SEC63: variants seen among roughly 807,000 people sequenced by gnomAD.
The protein encoded by SEC63 is translocation protein SEC63 homolog.
Under a neutral mutation model 116.2 loss-of-function variants are expected in SEC63, and 56 were observed. The ratio of observed to expected loss-of-function variants is 0.48; its 90% CI spans 0.39 to 0.60. The LOEUF (loss-of-function observed/expected upper bound fraction) is 0.60, where lower values mean the gene tolerates loss of function less well. Among genes scored for constraint, SEC63 ranks in the 20% least tolerant of loss-of-function variants. SEC63 has a pLI of 0.00. For synonymous variants in SEC63, 273 were observed against 294.6 expected (o/e 0.93, Z 0.75); for missense variants, 668 against 900.0 (o/e 0.74, Z 3.30).
At chr6:107,925,402 G>A (rs575557190) in intron 2 of SEC63, among the ~76,000 whole-genome samples, 5 of 152,026 alleles carry the variant, frequency 3.3e-5, no homozygotes, top group South Asian at 2.1e-4. Context: ...CCTAAATTAC[G>A]GCTCACAGGA....
intron 1 of SEC63, chr6:107,954,592 C>A (rs1346378254): frequency 4.0e-5 from 6 of 151,626 alleles, no homozygotes; most frequent in African/African-American, 1.5e-4. Context: ...AATTAATATT[C>A]CAAGACAGAA....
intron 1 of SEC63, among the ~76,000 whole-genome samples, chr6:107,947,326 A>C (rs140271648): frequency 9.9e-5 from 15 of 151,978 alleles, no homozygotes; most frequent in African/African-American, 3.6e-4. Flanking sequence ...AAACAAAAAC[A>C]CTCACTATCG....
intron 16 of SEC63, among the ~76,000 whole-genome samples, chr6:107,885,947 T>C (rs553458840): frequency 6.6e-6 from 1 of 152,040 alleles, no homozygotes; most frequent in Non-Finnish European, 1.5e-5. Context: ...CCATGGTGGT[T>C]TGCTGCACCC....
In SEC63 at chr6:107,870,338, CA is replaced by C. The variant is rs1003921337; in HGVS notation, c.*1365del. On this transcript the variant is annotated 3_prime_UTR_variant, in exon 21 of 21. Coordinates refer to ENST00000369002, the MANE Select transcript of SEC63 (RefSeq NM_007214.5). ...TTTGCTAATTTTCACATTTTATTTCCAACTATTGCAGTAACAAGATGCCGGT... is the reference window on the plus strand; with the variant it reads ...TTTGCTAATTTTCACATTTTATTTCCACTATTGCAGTAACAAGATGCCGGT... 1 of 152,490 alleles carries C rather than the reference CA, an allele frequency of 6.6e-6. No individual in the cohort carries two copies. Among genetic ancestry groups the C allele is most frequent in the African/African-American group, 2.4e-5 (1 of 41,364 alleles). 9.4% of individuals were successfully genotyped at this position (152,490 alleles called of 1,614,324 possible).
intron 2 of SEC63, among the ~76,000 whole-genome samples, chr6:107,927,809 C>T (rs1161360969): frequency 6.6e-6 from 1 of 152,194 alleles, no homozygotes; most frequent in African/African-American, 2.4e-5. Context: ...AACCTATATA[C>T]ATCCTCCCAT....
At chr6:107,909,370 C>G (rs1264299200) in intron 7 of SEC63, among the ~76,000 whole-genome samples, 9 of 145,300 alleles carry the variant, frequency 6.2e-5, no homozygotes, top group African/African-American at 2.3e-4. Context: ...GAGGGAGACT[C>G]TGTCTCAAAA....
At chr6:107,876,072 A>C (rs1032526280) in intron 19 of SEC63, among the ~76,000 whole-genome samples, 4 of 152,200 alleles carry the variant, frequency 2.6e-5, no homozygotes. Flanking sequence ...CACAAAAAAA[A>C]CATGAAAAAC....
intron 2 of SEC63, among the ~76,000 whole-genome samples, chr6:107,925,200 C>T (rs535895725): frequency 6.6e-6 from 1 of 152,176 alleles, no homozygotes; most frequent in African/African-American, 2.4e-5. Flanking sequence ...GAAGTGAATT[C>T]AACTTATTAA....
intron 1 of SEC63, among the ~76,000 whole-genome samples, chr6:107,935,670 T>C (rs1288010340): frequency 2.7e-5 from 4 of 148,418 alleles, no homozygotes; most frequent in Admixed American, 6.7e-5. Context: ...CGCAGGGTCC[T>C]CTGCCTAGGA....
At chr6:107,926,647 A>G (rs1185746495) in intron 2 of SEC63, among the ~76,000 whole-genome samples, 1 of 152,230 alleles carries the variant, frequency 6.6e-6, no homozygotes, top group Non-Finnish European at 1.5e-5. Flanking sequence ...TTATTCCCAC[A>G]AGAATTAACT....
intron 18 of SEC63, among the ~76,000 whole-genome samples, chr6:107,878,525 C>CT (rs1786333635): frequency 6.6e-6 from 1 of 152,206 alleles, no homozygotes; most frequent in African/African-American, 2.4e-5. Context: ...TCCCTCCAAC[C>CT]TCTCAGCCTA....
intron 13 of SEC63, 26 bp downstream of exon 13, chr6:107,901,344 G>C (rs1044824790): frequency 6.2e-7 from 1 of 1,607,766 alleles, no homozygotes; most frequent in Non-Finnish European, 8.5e-7. Context: ...GGGAAGCAAT[G>C]CTCAACAGAG....
intron 19 of SEC63, among the ~76,000 whole-genome samples, chr6:107,876,217 G>C (rs1308725946): frequency 6.6e-6 from 1 of 152,066 alleles, no homozygotes; most frequent in Non-Finnish European, 1.5e-5. Flanking sequence ...GATTTTTCAA[G>C]ACAAAAGATC....
intron 8 of SEC63, 53 bp downstream of exon 8, chr6:107,908,874 C>A: frequency 1.0e-6 from 1 of 985,408 alleles, no homozygotes; most frequent in Non-Finnish European, 1.6e-6. Context: ...ATCAACCCCA[C>A]ATAAGTCACA....
rs1786753810 is a variant in SEC63, at chr6:107,893,900, G to A, written c.1441-3C>T. 2 of 1,613,684 alleles carry A rather than the reference G, an allele frequency of 1.2e-6. No individual in the cohort carries two copies. Among genetic ancestry groups the A allele is most frequent in the East Asian group, 4.5e-5 (2 of 44,860 alleles). On this transcript the variant is annotated splice_polypyrimidine_tract_variant and splice_region_variant and intron_variant, in intron 14 of 20. Coordinates refer to ENST00000369002, the MANE Select transcript of SEC63 (RefSeq NM_007214.5). ...GACTGCTCCTTTTCAAATACTTCCTGGGGGGCGGCAAGAAGAGAAATACAA... is the reference window on the plus strand; with the variant it reads ...GACTGCTCCTTTTCAAATACTTCCTAGGGGGCGGCAAGAAGAGAAATACAA...
chr6:107,947,394 TGA>T (rs1770499404), intron 1 of SEC63, among the ~76,000 whole-genome samples: 1 of 152,208 alleles, frequency 6.6e-6, no homozygotes, highest in East Asian at 1.9e-4. Context: ...AACAGGAGAC[TGA>T]GATAACCCAT....
intron 4 of SEC63, among the ~76,000 whole-genome samples, chr6:107,913,754 A>G (rs1393924415): frequency 6.6e-6 from 1 of 152,252 alleles, no homozygotes; most frequent in Non-Finnish European, 1.5e-5. Flanking sequence ...GAAGGCAGGG[A>G]GAATTGTAGG....
In SEC63 at chr6:107,883,017, C is replaced by T; in HGVS notation, c.1804G>A (p.Asp602Asn). 6.2e-7 allele frequency: 1 copy of T among 1,611,168 alleles called. No individual in the cohort carries two copies. The highest frequency in any genetic ancestry group is 8.5e-7 in the Non-Finnish European group (1 of 1,178,408). ...GSDRDSDREQ[D>N]EKQNKDDEAE... is the part of the protein sequence containing the mutation. ...TCATCATCTTTGTTTTGTTTTTCAT[C>T]TTGCTCTCTATCAGAGTCTCTGTCA... The change falls in exon 17 of 21, where the codon GAT becomes AAT. Residue 602 changes from aspartate (D) to asparagine (N), a missense_variant. Physicochemically the swap from Asp to Asn is conservative, Grantham distance 23. Around this residue, in one of 5 missense-constraint regions of SEC63, gnomAD observed 430 missense variants for 557.5 expected, o/e 0.77. Transcript: ENST00000369002.
Position 107,871,728 on chromosome 6 carries a change from C to T in SEC63, c.2259G>A (p.Glu753=). ...CTTAGTCATCATCTTCTTCTTCCTC[C>T]TCTTCTTCCTCAAAGCTATCTTCAA... is the stretch of plus-strand genomic sequence containing the variant. ...EGFEDSFEEE[E]EEEEDDD is the part of the protein sequence containing the mutation. Residue 753 remains glutamate, a synonymous_variant, in exon 21 of 21, where the codon GAG becomes GAA. Coordinates refer to ENST00000369002, the MANE Select transcript of SEC63 (RefSeq NM_007214.5). The T allele has an allele frequency of 1.2e-6, 2 of 1,613,012 alleles. No homozygotes were observed. Among genetic ancestry groups the T allele is most frequent in the Non-Finnish European group, 8.5e-7 (1 of 1,179,746 alleles).
Sources: allele counts gnomAD v4.1 joint callset (sites outside exome capture counted in the v4.1 genomes callset), GRCh38; gene constraint gnomAD v4.1.1; regional missense constraint gnomAD v4.1.1; transcripts MANE v1.5; gene names NCBI Gene and HGNC (gene_info 2026-07-23, HGNC 2026-07-21).